NEK1: variants seen among roughly 807,000 people sequenced by gnomAD.
NEK1 encodes serine/threonine-protein kinase Nek1.
In NEK1, 137 loss-of-function variants were observed where a neutral mutation model predicts 182.1. That is an observed-to-expected ratio of 0.75 (90% CI 0.65 to 0.87). NEK1 has a LOEUF of 0.87. Among genes scored for constraint, NEK1 ranks in the 40% least tolerant of loss-of-function variants. The probability of loss-of-function intolerance (pLI) is 0.00; values close to 1 mark genes in which losing one functional copy is unlikely to be tolerated. For missense variants in NEK1, 1,391 were observed against 1,494.4 expected, an observed-to-expected ratio of 0.93 and a Z score of 1.14; for synonymous variants, 513 against 492.2, an observed-to-expected ratio of 1.04 and a Z score of -0.56.
chr4:169,528,615 T>G (rs1757236913), intron 19 of NEK1, among the ~76,000 whole-genome samples: 1 of 152,136 alleles, frequency 6.6e-6, no homozygotes, highest in African/African-American at 2.4e-5. Flanking sequence ...TTGTGGTAAC[T>G]TGCTACACTG....
intron 18 of NEK1, among the ~76,000 whole-genome samples, chr4:169,547,399 CTTAACATTT>C (rs1224447875): frequency 1.3e-5 from 2 of 152,114 alleles, no homozygotes; most frequent in Non-Finnish European, 1.5e-5. Flanking sequence ...TCTGGTGGCT[CTTAACATTT>C]TTTCCTTCAT....
chr4:169,604,785 T>G lies in NEK1; in HGVS notation c.-48-2107A>C, dbSNP rs118066466. Reference sequence around the variant, plus strand: ...TGAGATAAGTATGACTCATGAAATTTTGTGAGAAAGAGCCTTTCTCTACCT... The same window carrying G: ...TGAGATAAGTATGACTCATGAAATTGTGTGAGAAAGAGCCTTTCTCTACCT... On this transcript the variant is annotated intron_variant, in intron 2 of 35. Transcript: ENST00000507142. 3.9e-5 allele frequency among the ~76,000 whole-genome samples: 6 copies of G among 152,324 alleles called. No homozygotes were observed. The East Asian group carries it at 5.8e-4, about 15-fold the overall frequency.
chr4:169,459,437 CA>C (rs1446754422), intron 27 of NEK1, among the ~76,000 whole-genome samples: 3 of 152,142 alleles, frequency 2.0e-5, no homozygotes, highest in African/African-American at 7.2e-5. Flanking sequence ...TCATACACTG[CA>C]AAATGGTACA....
chr4:169,561,400 C>T, intron 16 of NEK1, 80 bp downstream of exon 16: 1 of 1,223,576 alleles, frequency 8.2e-7, no homozygotes, highest in Non-Finnish European at 1.2e-6. Flanking sequence ...AAAGAAAATC[C>T]CAAGTACATG....
intron 23 of NEK1, among the ~76,000 whole-genome samples, chr4:169,491,797 A>T (rs143942937): frequency 6.6e-4 from 101 of 152,352 alleles, no homozygotes; most frequent in Non-Finnish European, 1.1e-3. Context: ...GTAAAAAACA[A>T]CTGTAATTGC....
chr4:169,555,832 G>C lies in NEK1; in HGVS notation c.1450C>G (p.Arg484Gly), dbSNP rs183378326. Residue 484 changes from arginine to glycine, a missense_variant, in exon 18 of 36, where the codon CGT (arginine) becomes GGT (glycine). Around this residue, in one of 5 missense-constraint regions of NEK1, gnomAD observed 1,216 missense variants for 1,277.6 expected, o/e 0.95. Coordinates refer to ENST00000507142, the MANE Select transcript of NEK1 (RefSeq NM_001199397.3). ...LPERGILPGV[R>G]PGFPYGAAGH... The stretch of plus-strand genomic sequence containing the variant: ...GCAGCCCCATAAGGAAATCCTGGAC[G>C]AACTCCAGGCAGAATTCCTCTGTAG... The C allele has an allele frequency of 2.5e-5, 40 of 1,613,828 alleles. No homozygotes were observed. In the East Asian group the frequency reaches 7.8e-4, roughly 31 times the overall value.
chr4:169,601,916 G>C, intron 4 of NEK1, 92 bp downstream of exon 4: 1 of 877,052 alleles, frequency 1.1e-6, no homozygotes, highest in Non-Finnish European at 1.9e-6. Flanking sequence ...ATGTTTTTAA[G>C]CAAAAATGGT....
intron 11 of NEK1, among the ~76,000 whole-genome samples, chr4:169,580,264 A>G (rs1766397215): frequency 6.6e-6 from 1 of 152,120 alleles, no homozygotes; most frequent in Admixed American, 6.5e-5. Context: ...TGGGAGGCCG[A>G]GGCGGGTGGA....
intron 26 of NEK1, among the ~76,000 whole-genome samples, chr4:169,474,578 T>C (rs1015136379): frequency 6.6e-6 from 1 of 152,200 alleles, no homozygotes; most frequent in African/African-American, 2.4e-5. Context: ...CAAGCTCACA[T>C]TGCCTCTTCT....
intron 23 of NEK1, among the ~76,000 whole-genome samples, chr4:169,488,255 G>T (rs1042233820): frequency 6.6e-6 from 1 of 152,082 alleles, no homozygotes; most frequent in Admixed American, 6.5e-5. Flanking sequence ...TTGTGCCTGT[G>T]TCCTGAACGA....
At chr4:169,567,514 C>T (rs1035252050) in intron 12 of NEK1, among the ~76,000 whole-genome samples, 2 of 152,050 alleles carry the variant, frequency 1.3e-5, no homozygotes, top group Non-Finnish European at 2.9e-5. Context: ...GATTCTTCTG[C>T]CTCAGTCTCA....
intron 21 of NEK1, 27 bp from the exon 22 acceptor site, chr4:169,507,819 A>C: frequency 6.6e-7 from 1 of 1,523,118 alleles, no homozygotes; most frequent in South Asian, 1.1e-5. Context: ...TAAGCAAATC[A>C]CTTAGGATAG....
At chr4:169,536,661 T>A (rs1758560521) in intron 19 of NEK1, among the ~76,000 whole-genome samples, 1 of 151,776 alleles carries the variant, frequency 6.6e-6, no homozygotes, top group Admixed American at 6.6e-5. Flanking sequence ...TTCTCCAGCA[T>A]GAAAAAAAAT....
At chr4:169,499,517 C>T (rs1752017917) in intron 23 of NEK1, among the ~76,000 whole-genome samples, 1 of 152,112 alleles carries the variant, frequency 6.6e-6, no homozygotes, top group Non-Finnish European at 1.5e-5. Flanking sequence ...TCTGTTTTTT[C>T]CCTATCTTTG....
intron 27 of NEK1, among the ~76,000 whole-genome samples, chr4:169,440,103 CA>C (rs1321848120): frequency 6.6e-6 from 1 of 151,484 alleles, no homozygotes; most frequent in African/African-American, 2.4e-5. Flanking sequence ...CTCAGCCTCC[CA>C]AAGTGCTGGG....
chr4:169,587,019 G>T (rs1478641543), intron 9 of NEK1, among the ~76,000 whole-genome samples: 2 of 151,802 alleles, frequency 1.3e-5, no homozygotes, highest in Admixed American at 6.6e-5. Context: ...TCAAAAAACT[G>T]CTTTTTTAAG....
chr4:169,424,847 A>C (rs762278417), intron 30 of NEK1, 47 bp from the exon 31 acceptor site: 4 of 1,509,594 alleles, frequency 2.6e-6, no homozygotes, highest in Non-Finnish European at 3.6e-6. Context: ...ACAGTACTTA[A>C]AGTTCTAAAT....
At position 169,602,664 on chromosome 4, in the gene NEK1, T is replaced by C; in HGVS notation, c.-34A>G. On this transcript the variant is annotated 5_prime_UTR_variant, in exon 3 of 36. Transcript: ENST00000507142. ...TTCTAAGGCATCTTTACAGATATGCTAGACATTTAAAAAACTAACAAAAAA... is the reference window on the plus strand; with the variant it reads ...TTCTAAGGCATCTTTACAGATATGCCAGACATTTAAAAAACTAACAAAAAA... The C allele has an allele frequency of 1.8e-6, 2 of 1,135,144 alleles. No individual in the cohort carries two copies. Among genetic ancestry groups the C allele is most frequent in the African/African-American group, 1.5e-5 (1 of 64,664 alleles). The allele number at this position is 1,135,144 out of a possible 1,614,324, so 70.3% of individuals were successfully genotyped here.
chr4:169,500,887 G>A (rs560294456), intron 23 of NEK1, among the ~76,000 whole-genome samples: 1 of 152,260 alleles, frequency 6.6e-6, no homozygotes, highest in South Asian at 2.1e-4. Flanking sequence ...CACTAAGAGA[G>A]GAAGAAAACC....
Sources: allele counts gnomAD v4.1 joint callset (sites outside exome capture counted in the v4.1 genomes callset), GRCh38; gene constraint gnomAD v4.1.1; regional missense constraint gnomAD v4.1.1; transcripts MANE v1.5; gene names NCBI Gene and HGNC (gene_info 2026-07-23, HGNC 2026-07-21).